TAFA5: variants seen among roughly 807,000 people sequenced by gnomAD.
TAFA5 encodes the protein TAFA chemokine like family member 5, also known as chemokine-like protein TAFA-5.
A neutral mutation model predicts 15.3 loss-of-function variants in TAFA5; 6 were observed. That is an observed-to-expected ratio of 0.39 (90% CI 0.21 to 0.77). TAFA5 has a LOEUF of 0.77. Ranked by LOEUF, TAFA5 falls within the 30% of genes least tolerant of loss-of-function variation. The pLI, the probability that TAFA5 is intolerant of heterozygous loss-of-function variation, is 0.41. For synonymous variants in TAFA5, 103 were observed against 80.7 expected, an observed-to-expected ratio of 1.28 and a Z score of -1.48; for missense variants, 161 against 193.1, an observed-to-expected ratio of 0.83 and a Z score of 0.98.
At chr22:48,634,566 TACTCAGTCACTGATTCACCC>T (rs1169958089) in intron 1 of TAFA5, among the ~76,000 whole-genome samples, 9 of 152,096 alleles carry the variant, frequency 5.9e-5, no homozygotes, top group Admixed American at 2.0e-4. Context: ...TTCACTGATT[TACTCAGTCACTGATTCACCC>T]ACTCAGTCAC....
intron 2 of TAFA5, among the ~76,000 whole-genome samples, chr22:48,664,809 C>A (rs1450027382): frequency 1.3e-5 from 2 of 152,128 alleles, no homozygotes; most frequent in South Asian, 2.1e-4. Context: ...ATAAAATGTC[C>A]CTGTACCGCC....
intron 1 of TAFA5, among the ~76,000 whole-genome samples, chr22:48,568,533 C>G (rs1441853594): frequency 6.6e-6 from 1 of 152,224 alleles, no homozygotes; most frequent in Non-Finnish European, 1.5e-5. Context: ...CCAGAGGTCT[C>G]CTTGGGGACA....
At chr22:48,705,485 A>G (rs1436523165) in intron 2 of TAFA5, among the ~76,000 whole-genome samples, 3 of 151,736 alleles carry the variant, frequency 2.0e-5, no homozygotes, top group Non-Finnish European at 4.4e-5. Flanking sequence ...CCCTGCGATG[A>G]CCCCAGGGCC....
Position 48,491,384 on chromosome 22 carries a change from G to C in TAFA5, c.112+1680G>C, listed in dbSNP as rs141415191. ...TGGCATCACCCCAGAGGAGAGGAGA[G>C]AGAGGAGAGGAGAGGGAGAGGGGGC... On this transcript the variant is annotated intron_variant, in intron 1 of 3. Coordinates refer to ENST00000402357, the MANE Select transcript of TAFA5 (RefSeq NM_001082967.3). 3.3e-3 allele frequency among the ~76,000 whole-genome samples: 505 copies of C among 152,218 alleles called. 2 individuals are homozygous for C. The highest frequency in any genetic ancestry group is 0.011 in the African/African-American group (475 of 41,530).
intron 3 of TAFA5, among the ~76,000 whole-genome samples, chr22:48,711,708 G>A (rs78733868): frequency 0.029 from 4,388 of 152,270 alleles, 208 homozygotes; most frequent in African/African-American, 0.1. Context: ...GAGACTCAGC[G>A]GATACTGAGT....
At chr22:48,683,622 G>A (rs549545113) in intron 2 of TAFA5, among the ~76,000 whole-genome samples, 1 of 152,260 alleles carries the variant, frequency 6.6e-6, no homozygotes, top group Non-Finnish European at 1.5e-5. Context: ...AGCCTAGGAG[G>A]CTGGGCCAGC....
chr22:48,575,871 C>T (rs1281436973), intron 1 of TAFA5, among the ~76,000 whole-genome samples: 1 of 143,034 alleles, frequency 7.0e-6, no homozygotes, highest in Non-Finnish European at 1.5e-5. Flanking sequence ...TGGCCCGCCG[C>T]GGCGGCGGTG....
intron 2 of TAFA5, among the ~76,000 whole-genome samples, chr22:48,671,939 G>C (rs1195525710): frequency 1.3e-5 from 2 of 152,212 alleles, no homozygotes; most frequent in African/African-American, 4.8e-5. Flanking sequence ...TTGGGGTCCA[G>C]ATCTTGGGTC....
At position 48,640,735 on chromosome 22, in the gene TAFA5, G is replaced by A. The variant is rs547482881; in HGVS notation, c.113-5862G>A. ...TCTGTATGGCAAGGAGCTAGGCTGC[G>A]TCCCTGTTTCAGAGGCCAGGGGACT... is the stretch of plus-strand genomic sequence containing the variant. On this transcript the variant is annotated intron_variant, in intron 1 of 3. Coordinates refer to ENST00000402357, the MANE Select transcript of TAFA5 (RefSeq NM_001082967.3). 5.9e-5 allele frequency among the ~76,000 whole-genome samples: 9 copies of A among 152,318 alleles called. No individual in the cohort carries two copies. The East Asian group carries it at 7.8e-4, about 13-fold the overall frequency.
chr22:48,607,562 C>T (rs1174135029), intron 1 of TAFA5, among the ~76,000 whole-genome samples: 1 of 135,220 alleles, frequency 7.4e-6, no homozygotes, highest in Non-Finnish European at 1.6e-5. Context: ...AGGCCTGGCC[C>T]ACCCATCCCA....
At chr22:48,650,817 G>A (rs1194743337) in intron 2 of TAFA5, among the ~76,000 whole-genome samples, 1 of 152,122 alleles carries the variant, frequency 6.6e-6, no homozygotes, top group Non-Finnish European at 1.5e-5. Flanking sequence ...CTCCCCCAGG[G>A]CTGCCCTCTG....
intron 1 of TAFA5, among the ~76,000 whole-genome samples, chr22:48,531,322 C>G (rs1469571802): frequency 1.3e-5 from 2 of 152,214 alleles, no homozygotes; most frequent in Non-Finnish European, 2.9e-5. Flanking sequence ...GTGATGAAGA[C>G]TGGGCAGGTG....
chr22:48,697,758 A>G (rs9617503), intron 2 of TAFA5, among the ~76,000 whole-genome samples: 99,636 of 151,606 alleles, frequency 0.66, 33,345 homozygotes, highest in African/African-American at 0.79. Context: ...ATGTGATGAT[A>G]GTAATGACAG....
chr22:48,499,611 G>A (rs897612460), intron 1 of TAFA5, among the ~76,000 whole-genome samples: 1 of 152,156 alleles, frequency 6.6e-6, no homozygotes, highest in Non-Finnish European at 1.5e-5. Context: ...GTGGCGCCGG[G>A]GTCAGCCGGC....
At chr22:48,709,689 C>G (rs1469432703) in intron 3 of TAFA5, among the ~76,000 whole-genome samples, 2 of 152,214 alleles carry the variant, frequency 1.3e-5, no homozygotes, top group African/African-American at 4.8e-5. Flanking sequence ...TCAGGCTGCA[C>G]CCCTTCAGGA....
intron 1 of TAFA5, among the ~76,000 whole-genome samples, chr22:48,618,084 G>A (rs1263588434): frequency 1.3e-5 from 2 of 152,232 alleles, no homozygotes; most frequent in Non-Finnish European, 2.9e-5. Context: ...GAGGTTAACA[G>A]CAGGAAGCAC....
At chr22:48,673,768 C>T (rs1005266076) in intron 2 of TAFA5, among the ~76,000 whole-genome samples, 1 of 152,198 alleles carries the variant, frequency 6.6e-6, no homozygotes, top group African/African-American at 2.4e-5. Flanking sequence ...TTATTTTTGG[C>T]TCTGATGTCC....
chr22:48,489,583 C>T lies in TAFA5; in HGVS notation c.-10C>T. ...GCGCTGCTGCCCCCCGCGCGGGCGCCGCGGCTTCAATGGCGCCATCGCCCA... is the reference window on the plus strand; with the variant it reads ...GCGCTGCTGCCCCCCGCGCGGGCGCTGCGGCTTCAATGGCGCCATCGCCCA... On this transcript the variant is annotated 5_prime_UTR_variant, in exon 1 of 4. Transcript: ENST00000402357. The surrounding 1 kb of genome is among the most constrained non-coding windows in gnomAD (Gnocchi z 5.5). The T allele has an allele frequency of 6.9e-7, 1 of 1,440,452 alleles. No homozygotes were observed. The highest frequency in any genetic ancestry group is 9.2e-7 in the Non-Finnish European group (1 of 1,086,492). 89.2% of individuals were successfully genotyped at this position (1,440,452 alleles called of 1,614,324 possible).
intron 1 of TAFA5, among the ~76,000 whole-genome samples, chr22:48,565,953 T>G (rs1923392950): frequency 6.6e-6 from 1 of 151,990 alleles, no homozygotes; most frequent in African/African-American, 2.4e-5. Context: ...GATGAATAGA[T>G]GTGCAGCTGG....
Sources: allele counts gnomAD v4.1 joint callset (sites outside exome capture counted in the v4.1 genomes callset), GRCh38; gene constraint gnomAD v4.1.1; non-coding constraint Gnocchi (gnomAD v3.1); transcripts MANE v1.5; gene names NCBI Gene and HGNC (gene_info 2026-07-23, HGNC 2026-07-21).